KLRG1: variants seen among roughly 807,000 people sequenced by gnomAD.
The protein encoded by KLRG1 is killer cell lectin-like receptor subfamily G member 1.
KLRG1 carries 16 observed loss-of-function variants against 21.8 expected under a neutral mutation model. The ratio of observed to expected loss-of-function variants is 0.73; its 90% confidence interval spans 0.50 to 1.11. KLRG1 has a LOEUF of 1.11. Ranked by LOEUF, KLRG1 falls within the 50% of genes most tolerant of loss-of-function variation. KLRG1 has a pLI of 0.00. For synonymous variants in KLRG1, 69 were observed against 75.9 expected (o/e 0.91, Z 0.47); for missense variants, 173 against 218.3 (o/e 0.79, Z 1.31).
At chr12:9,021,666 C>CT in the KLRG1 span, among the ~76,000 whole-genome samples, 2 of 151,920 alleles carry the variant, frequency 1.3e-5, no homozygotes, top group Non-Finnish European at 2.9e-5. Flanking sequence ...ATTCTATAAG[C>CT]TTTTTTCTAT....
the KLRG1 span, chr12:9,181,218 A>G: frequency 1.9e-6 from 3 of 1,542,056 alleles, no homozygotes; most frequent in Non-Finnish European, 2.7e-6. Context: ...CCACCCTTAT[A>G]TTCAGTTCAT....
chr12:9,162,355 G>A, the KLRG1 span: 1 of 447,524 alleles, frequency 2.2e-6, no homozygotes, highest in East Asian at 4.1e-5. Context: ...AGGTAAAAGG[G>A]CTACGTATGA....
At chr12:9,174,279 C>T in the KLRG1 span, among the ~76,000 whole-genome samples, 1 of 152,058 alleles carries the variant, frequency 6.6e-6, no homozygotes, top group Non-Finnish European at 1.5e-5. Context: ...ATTCAACATC[C>T]CTTTATGTTA....
At chr12:9,092,136 CAG>C in the KLRG1 span, among the ~76,000 whole-genome samples, 2 of 152,172 alleles carry the variant, frequency 1.3e-5, no homozygotes, top group African/African-American at 4.8e-5. Flanking sequence ...AGGGAAACGA[CAG>C]ACTTACAGGA....
the KLRG1 span, among the ~76,000 whole-genome samples, chr12:9,171,132 GT>G: frequency 6.6e-6 from 1 of 152,206 alleles, no homozygotes; most frequent in African/African-American, 2.4e-5. Flanking sequence ...ACAGGATGGA[GT>G]TTCTAGAGGA....
intron 1 of KLRG1, among the ~76,000 whole-genome samples, chr12:8,973,754 T>C (rs1946610636): frequency 6.6e-6 from 1 of 152,264 alleles, no homozygotes; most frequent in African/African-American, 2.4e-5. Flanking sequence ...TCTCAGTGTG[T>C]AAGTCTTTCA....
chr12:8,993,926 C>T (rs924692725), intron 2 of KLRG1, among the ~76,000 whole-genome samples: 1 of 152,158 alleles, frequency 6.6e-6, no homozygotes, highest in Non-Finnish European at 1.5e-5. Context: ...TATAATGGCT[C>T]ATACTTGCTC....
At chr12:9,094,923 A>C in the KLRG1 span, 1 of 1,035,852 alleles carries the variant, frequency 9.7e-7, no homozygotes, top group African/African-American at 1.6e-5. Flanking sequence ...AAAAAATTTA[A>C]AATTTGGTGA....
chr12:9,105,521 GA>G, the KLRG1 span, among the ~76,000 whole-genome samples: 1 of 152,084 alleles, frequency 6.6e-6, no homozygotes. Context: ...TTTACATTAA[GA>G]AAATGATACA....
intron 3 of KLRG1, among the ~76,000 whole-genome samples, chr12:9,002,849 G>A (rs745997417): frequency 6.6e-6 from 1 of 151,838 alleles, no homozygotes; most frequent in Non-Finnish European, 1.5e-5. Context: ...GTACAGATGT[G>A]AGCCACTGCA....
chr12:9,155,000 A>G, the KLRG1 span, among the ~76,000 whole-genome samples: 3 of 152,320 alleles, frequency 2.0e-5, no homozygotes, highest in East Asian at 3.9e-4. Flanking sequence ...TCACACTTCT[A>G]TGCTGAACTT....
the KLRG1 span, among the ~76,000 whole-genome samples, chr12:9,144,869 A>G: frequency 6.6e-6 from 1 of 152,142 alleles, no homozygotes; most frequent in African/African-American, 2.4e-5. Flanking sequence ...CAGAGATGTC[A>G]TTTGTGGTTT....
the KLRG1 span, among the ~76,000 whole-genome samples, chr12:9,025,514 G>C: frequency 6.6e-6 from 1 of 152,194 alleles, no homozygotes; most frequent in Non-Finnish European, 1.5e-5. Flanking sequence ...GCACATGCCT[G>C]TAGTCCCAGC....
chr12:9,006,740 T>C (rs1401618197), intron 3 of KLRG1, among the ~76,000 whole-genome samples: 1 of 152,166 alleles, frequency 6.6e-6, no homozygotes, highest in Non-Finnish European at 1.5e-5. Flanking sequence ...CCTTCCAAGA[T>C]TGTCAAGAAT....
the KLRG1 span, among the ~76,000 whole-genome samples, chr12:9,047,641 A>G: frequency 6.6e-6 from 1 of 152,202 alleles, no homozygotes; most frequent in African/African-American, 2.4e-5. Flanking sequence ...ACAAGACTCA[A>G]TTATATGTAG....
chr12:9,098,846 T>G, the KLRG1 span: 2 of 1,438,844 alleles, frequency 1.4e-6, no homozygotes, highest in South Asian at 2.7e-5. Context: ...TCATGTACAA[T>G]GTATAACCAC....
chr12:8,971,635 C>T (rs753262819), intron 1 of KLRG1, among the ~76,000 whole-genome samples: 6 of 149,232 alleles, frequency 4.0e-5, no homozygotes, highest in South Asian at 2.1e-4. Context: ...GGATTACAGG[C>T]GTGTGCTACC....
At chr12:9,143,639 C>G in the KLRG1 span, among the ~76,000 whole-genome samples, 2 of 152,020 alleles carry the variant, frequency 1.3e-5, no homozygotes, top group Admixed American at 1.3e-4. Context: ...TTTGCTGTTC[C>G]TGGTTATAAA....
At position 9,010,269 on chromosome 12, in the gene KLRG1, C is replaced by T. The variant is rs1448814551; in HGVS notation, c.*732C>T. Reference sequence around the variant, plus strand: ...AGGTGGTACTTCCTCCTTCTGAGCTCTTCACACGTAATGCAAAAACCCGGT... The same window carrying T: ...AGGTGGTACTTCCTCCTTCTGAGCTTTTCACACGTAATGCAAAAACCCGGT... On this transcript the variant is annotated 3_prime_UTR_variant, in exon 5 of 5. Transcript: ENST00000356986. The T allele has an allele frequency of 6.0e-5, 26 of 435,742 alleles. No individual in the cohort carries two copies. Among genetic ancestry groups the T allele is most frequent in the Non-Finnish European group, 9.8e-5 (24 of 245,958 alleles). 27.0% of individuals were successfully genotyped at this position (435,742 alleles called of 1,614,324 possible).
Sources: allele counts gnomAD v4.1 joint callset (sites outside exome capture counted in the v4.1 genomes callset), GRCh38; gene constraint gnomAD v4.1.1; transcripts MANE v1.5; gene names NCBI Gene and HGNC (gene_info 2026-07-23, HGNC 2026-07-21).